The following LINGO2 variants were observed in gnomAD, a reference collection of about 807,000 sequenced individuals.
LINGO2 encodes the protein leucine-rich repeat and immunoglobulin-like domain-containing nogo receptor-interacting protein 2.
A neutral mutation model predicts 30.6 loss-of-function variants in LINGO2; 14 were observed. The ratio of observed to expected loss-of-function variants is 0.46; its 90% CI spans 0.30 to 0.72. The LOEUF is 0.72. LINGO2 is among the 30% of genes least tolerant of loss of function. LINGO2 has a pLI of 0.07. For missense variants in LINGO2, 729 were observed against 751.7 expected, an observed-to-expected ratio of 0.97 and a Z score of 0.35; for synonymous variants, 317 against 288.5, an observed-to-expected ratio of 1.10 and a Z score of -1.00.
the LINGO2 span, among the ~76,000 whole-genome samples, chr9:29,018,788 G>A: frequency 2.0e-4 from 31 of 152,172 alleles, no homozygotes; most frequent in African/African-American, 6.5e-4. Flanking sequence ...ACTAAGGAAT[G>A]TACTAAAAGA....
chr9:28,760,737 AG>A, the LINGO2 span, among the ~76,000 whole-genome samples: 5 of 151,696 alleles, frequency 3.3e-5, no homozygotes, highest in African/African-American at 1.2e-4. Flanking sequence ...CCACTTTATC[AG>A]TGAGAACACA....
the LINGO2 span, among the ~76,000 whole-genome samples, chr9:29,117,918 C>G: frequency 2.0e-5 from 3 of 152,170 alleles, no homozygotes; most frequent in African/African-American, 4.8e-5. Context: ...ATCTTTCCCA[C>G]AAGCGTACTG....
intron 4 of LINGO2, among the ~76,000 whole-genome samples, chr9:28,172,962 A>G (rs1828644661): frequency 6.6e-6 from 1 of 152,160 alleles, no homozygotes; most frequent in African/African-American, 2.4e-5. Context: ...AGTATATGTA[A>G]TTACAAACTT....
the LINGO2 span, among the ~76,000 whole-genome samples, chr9:29,125,199 G>C: frequency 6.6e-6 from 1 of 152,184 alleles, no homozygotes; most frequent in African/African-American, 2.4e-5. Flanking sequence ...TCATAAGTCG[G>C]AGCTGAACAG....
chr9:28,417,095 A>T (rs911969036), intron 2 of LINGO2, among the ~76,000 whole-genome samples: 8 of 68,680 alleles, frequency 1.2e-4, no homozygotes, highest in Non-Finnish European at 2.7e-4. Flanking sequence ...GAGTTCAGAT[A>T]AAAAAAAAGC....
At chr9:29,087,517 T>G in the LINGO2 span, among the ~76,000 whole-genome samples, 2 of 152,218 alleles carry the variant, frequency 1.3e-5, no homozygotes, top group Non-Finnish European at 2.9e-5. Flanking sequence ...GAAACTAGAA[T>G]GTAAAGTTGG....
At chr9:28,771,483 G>C in the LINGO2 span, among the ~76,000 whole-genome samples, 9 of 136,958 alleles carry the variant, frequency 6.6e-5, no homozygotes, top group South Asian at 2.7e-4. Context: ...GTGTGTGTGT[G>C]TGTGTGTGTG....
At chr9:28,654,693 C>A (rs1828257229) in intron 1 of LINGO2, among the ~76,000 whole-genome samples, 1 of 152,078 alleles carries the variant, frequency 6.6e-6, no homozygotes, top group Admixed American at 6.6e-5. Flanking sequence ...CAATCCTCTT[C>A]ACGGCAGCAA....
At chr9:28,238,752 A>T (rs1821669830) in intron 4 of LINGO2, among the ~76,000 whole-genome samples, 1 of 152,116 alleles carries the variant, frequency 6.6e-6, no homozygotes, top group African/African-American at 2.4e-5. Flanking sequence ...AATCAAGAGC[A>T]AACCAAATCC....
chr9:28,536,378 G>A (rs1821437407), intron 1 of LINGO2, among the ~76,000 whole-genome samples: 1 of 152,084 alleles, frequency 6.6e-6, no homozygotes, highest in African/African-American at 2.4e-5. Flanking sequence ...ATTTTGGGTT[G>A]TCATAACTTC....
At chr9:28,885,354 T>C in the LINGO2 span, among the ~76,000 whole-genome samples, 573 of 47,080 alleles carry the variant, frequency 0.012, 1 homozygote, top group Admixed American at 0.028. Flanking sequence ...GGGAGATATA[T>C]ATATATACAC....
chr9:28,768,847 C>T, the LINGO2 span, among the ~76,000 whole-genome samples: 4 of 152,162 alleles, frequency 2.6e-5, no homozygotes, highest in East Asian at 7.7e-4. Context: ...AGAATTGGAA[C>T]ATCCCATAAT....
chr9:28,450,748 A>G (rs1371719668), intron 2 of LINGO2, among the ~76,000 whole-genome samples: 4 of 152,054 alleles, frequency 2.6e-5, no homozygotes, highest in African/African-American at 9.7e-5. Flanking sequence ...TATGACTATT[A>G]AAAACATAAT....
chr9:28,545,642 A>G (rs577468594), intron 1 of LINGO2, among the ~76,000 whole-genome samples: 1 of 152,030 alleles, frequency 6.6e-6, no homozygotes, highest in East Asian at 1.9e-4. Flanking sequence ...AGTACAAGTG[A>G]AAGGAGAGGA....
At chr9:28,117,201 G>A (rs1194635217) in intron 4 of LINGO2, among the ~76,000 whole-genome samples, 1 of 151,922 alleles carries the variant, frequency 6.6e-6, no homozygotes, top group African/African-American at 2.4e-5. Context: ...CTGGTGGGGG[G>A]TGCCTCCCAG....
intron 4 of LINGO2, among the ~76,000 whole-genome samples, chr9:28,235,004 G>A (rs1375161589): frequency 6.6e-6 from 1 of 152,148 alleles, no homozygotes; most frequent in East Asian, 1.9e-4. Flanking sequence ...CTTCCACACA[G>A]CATCTCTGGA....
intron 2 of LINGO2, among the ~76,000 whole-genome samples, chr9:28,410,828 C>T (rs1345447719): frequency 2.0e-5 from 3 of 152,004 alleles, no homozygotes; most frequent in South Asian, 2.1e-4. Flanking sequence ...AATATGAAAA[C>T]TCAATCGTCA....
At chr9:28,880,667 T>G in the LINGO2 span, among the ~76,000 whole-genome samples, 7 of 152,122 alleles carry the variant, frequency 4.6e-5, no homozygotes, top group Admixed American at 1.3e-4. Context: ...GGGGGACTGG[T>G]GAAAGAGGAA....
chr9:28,532,335 C>T (rs553605609), intron 1 of LINGO2, among the ~76,000 whole-genome samples: 1 of 152,198 alleles, frequency 6.6e-6, no homozygotes, highest in African/African-American at 2.4e-5. Flanking sequence ...TCATATTCAG[C>T]TAAAATAGGT....
Sources: gnomAD v4.1 joint callset for allele counts (sites outside exome capture counted in the v4.1 genomes callset) on GRCh38, gnomAD v4.1.1 for gene constraint, MANE v1.5 for transcripts, NCBI Gene and HGNC (gene_info 2026-07-23, HGNC 2026-07-21) for gene names.